Variants in CMSS1 observed in about 807,000 individuals in gnomAD.
The protein encoded by CMSS1 is protein CMSS1.
Under a neutral mutation model 43.5 loss-of-function variants are expected in CMSS1, and 33 were observed. The observed-to-expected ratio is 0.76, with a 90% confidence interval of 0.57 to 1.01. The LOEUF is 1.01. Among genes scored for constraint, CMSS1 ranks in the 50% least tolerant of loss-of-function variants. The pLI, the probability that CMSS1 is intolerant of heterozygous loss-of-function variation, is 0.00. For missense variants in CMSS1, 313 were observed against 326.4 expected (o/e 0.96, Z 0.32); for synonymous variants, 115 against 117.2 (o/e 0.98, Z 0.12).
intron 1 of CMSS1, among the ~76,000 whole-genome samples, chr3:100,082,084 G>A (rs2107407032): frequency 6.6e-6 from 1 of 152,182 alleles, no homozygotes; most frequent in African/African-American, 2.4e-5. Context: ...GAAAATACTG[G>A]CATGTTCCTA....
At chr3:100,073,770 C>G (rs915841904) in intron 1 of CMSS1, among the ~76,000 whole-genome samples, 3 of 152,140 alleles carry the variant, frequency 2.0e-5, no homozygotes, top group South Asian at 2.1e-4. Flanking sequence ...GGCAAGATCT[C>G]CTGTTTGATT....
At chr3:99,965,561 G>A (rs1708625137) in intron 1 of CMSS1, among the ~76,000 whole-genome samples, 1 of 152,192 alleles carries the variant, frequency 6.6e-6, no homozygotes, top group South Asian at 2.1e-4. Flanking sequence ...ATACCTGATA[G>A]CAGCAATTTA....
At chr3:100,154,304 T>C (rs1033373888) in intron 2 of CMSS1, among the ~76,000 whole-genome samples, 2 of 152,242 alleles carry the variant, frequency 1.3e-5, no homozygotes, top group Non-Finnish European at 2.9e-5. Context: ...GTGATGTTTG[T>C]ATAGTGTTCA....
intron 1 of CMSS1, among the ~76,000 whole-genome samples, chr3:100,002,026 A>G (rs1709856698): frequency 6.6e-6 from 1 of 152,158 alleles, no homozygotes; most frequent in Non-Finnish European, 1.5e-5. Flanking sequence ...TGGAGATTCC[A>G]TCACAAATCT....
intron 1 of CMSS1, among the ~76,000 whole-genome samples, chr3:99,837,322 G>T (rs1942941335): frequency 6.6e-6 from 1 of 152,034 alleles, no homozygotes. Flanking sequence ...ATATAAAACA[G>T]TGGTTTTCTG....
intron 1 of CMSS1, among the ~76,000 whole-genome samples, chr3:99,896,812 T>C (rs1706270247): frequency 6.6e-6 from 1 of 152,204 alleles, no homozygotes; most frequent in African/African-American, 2.4e-5. Context: ...TCATAAGCAA[T>C]GTTGCCTACT....
At chr3:100,002,565 T>C (rs559500741) in intron 1 of CMSS1, among the ~76,000 whole-genome samples, 3 of 152,326 alleles carry the variant, frequency 2.0e-5, no homozygotes, top group South Asian at 2.1e-4. Flanking sequence ...CCTAGATAGC[T>C]GATAAAAAGT....
At chr3:100,026,723 T>C (rs778211555) in intron 1 of CMSS1, among the ~76,000 whole-genome samples, 1 of 152,150 alleles carries the variant, frequency 6.6e-6, no homozygotes, top group African/African-American at 2.4e-5. Context: ...TTCTTACGGA[T>C]TTCTGTTGCA....
Position 99,847,436 on chromosome 3 carries a change from T to C in CMSS1, c.64+29393T>C, listed in dbSNP as rs1172156886. Among the ~76,000 whole-genome samples, 6 of 152,114 alleles carry C rather than the reference T, an allele frequency of 3.9e-5. No homozygotes were observed. The East Asian group carries it at 1.2e-3, about 29-fold the overall frequency. ...TTTGGTTGTAGACATACATGTTCTA[T>C]GGGAGGTTTGATCTCTGGTAGAAAT... On this transcript the variant is annotated intron_variant, in intron 1 of 9. Transcript: ENST00000421999.
At chr3:99,906,254 T>C (rs1403931756) in intron 1 of CMSS1, among the ~76,000 whole-genome samples, 3 of 152,336 alleles carry the variant, frequency 2.0e-5, no homozygotes, top group Non-Finnish European at 4.4e-5. Flanking sequence ...TCCCTCGTTG[T>C]AAATTTAATT....
At chr3:99,912,230 A>G (rs778658942) in intron 1 of CMSS1, among the ~76,000 whole-genome samples, 3 of 152,196 alleles carry the variant, frequency 2.0e-5, no homozygotes, top group Non-Finnish European at 4.4e-5. Context: ...TTTTAAGTGA[A>G]AGAAAACAGG....
intron 1 of CMSS1, among the ~76,000 whole-genome samples, chr3:99,873,479 T>A (rs1030094560): frequency 2.0e-5 from 3 of 152,198 alleles, no homozygotes; most frequent in African/African-American, 7.2e-5. Context: ...CCCCTCTTCC[T>A]TTTTCCTTTA....
chr3:99,829,697 G>C (rs552203507), intron 1 of CMSS1, among the ~76,000 whole-genome samples: 2 of 152,290 alleles, frequency 1.3e-5, no homozygotes, highest in East Asian at 3.9e-4. Flanking sequence ...AATGTCCTGT[G>C]AGATGATAAA....
chr3:100,100,843 G>A (rs2066291478), intron 1 of CMSS1, among the ~76,000 whole-genome samples: 1 of 152,090 alleles, frequency 6.6e-6, no homozygotes, highest in African/African-American at 2.4e-5. Context: ...GGTGTCTTTT[G>A]AAGAGAATTC....
intron 1 of CMSS1, among the ~76,000 whole-genome samples, chr3:99,962,968 C>T (rs1159757818): frequency 6.6e-6 from 1 of 152,238 alleles, no homozygotes; most frequent in Non-Finnish European, 1.5e-5. Context: ...ATGTTACTCA[C>T]AGGCATTGCT....
intron 1 of CMSS1, among the ~76,000 whole-genome samples, chr3:100,070,274 G>A (rs561518012): frequency 4.6e-5 from 7 of 152,292 alleles, no homozygotes; most frequent in African/African-American, 1.7e-4. Flanking sequence ...TCCCTTGCAA[G>A]TTTGTGGGGA....
intron 1 of CMSS1, among the ~76,000 whole-genome samples, chr3:99,835,214 T>G (rs1942847371): frequency 6.6e-6 from 1 of 152,226 alleles, no homozygotes; most frequent in Admixed American, 6.5e-5. Flanking sequence ...GGGCTATACT[T>G]CTAATCACCT....
At chr3:99,966,419 T>A (rs1670054944) in intron 1 of CMSS1, among the ~76,000 whole-genome samples, 2 of 152,138 alleles carry the variant, frequency 1.3e-5, no homozygotes, top group South Asian at 2.1e-4. Context: ...CGGCTATATA[T>A]AGTTTTAGAG....
rs1304636412 is a variant in CMSS1, at chr3:100,066,721, C to G, written c.65-80252C>G. Among the ~76,000 whole-genome samples the G allele has an allele frequency of 2.0e-5, 2 of 97,606 alleles. 1 individual carries two copies. Among genetic ancestry groups the G allele is most frequent in the Non-Finnish European group, 4.7e-5 (2 of 42,200 alleles). The allele number at this position is 97,606 out of a possible 152,430, so 64.0% of individuals were successfully genotyped here. On this transcript the variant is annotated intron_variant, in intron 1 of 9. Coordinates refer to ENST00000421999, the MANE Select transcript of CMSS1 (RefSeq NM_032359.4). ...TAATTTTTTGTATTTTTAGTAGAGACGGGGTTTCACCATTTTAGCCGGGAT... is the reference window on the plus strand; with the variant it reads ...TAATTTTTTGTATTTTTAGTAGAGAGGGGGTTTCACCATTTTAGCCGGGAT...
Sources: gnomAD v4.1 joint callset for allele counts (sites outside exome capture counted in the v4.1 genomes callset) on GRCh38, gnomAD v4.1.1 for gene constraint, MANE v1.5 for transcripts, NCBI Gene and HGNC (gene_info 2026-07-23, HGNC 2026-07-21) for gene names.